The following SLC12A1 variants were observed in gnomAD, a reference collection of about 807,000 sequenced individuals.
SLC12A1 encodes Na-K-2Cl cotransporter.
Under a neutral mutation model 130.4 loss-of-function variants are expected in SLC12A1, and 89 were observed. That is an observed-to-expected ratio of 0.68 (90% CI 0.58 to 0.81). The LOEUF is 0.81. SLC12A1 is among the 40% of genes least tolerant of loss of function. The probability of loss-of-function intolerance (pLI) is 0.00; values close to 1 mark genes in which losing one functional copy is unlikely to be tolerated. For synonymous variants in SLC12A1, 499 were observed against 460.0 expected, an observed-to-expected ratio of 1.08 and a Z score of -1.09; for missense variants, 1,310 against 1,336.4, an observed-to-expected ratio of 0.98 and a Z score of 0.31.
chr15:48,254,150 T>C (rs2041677459), intron 15 of SLC12A1, among the ~76,000 whole-genome samples: 1 of 152,122 alleles, frequency 6.6e-6, no homozygotes, highest in Non-Finnish European at 1.5e-5. Context: ...TGAAGTCTAA[T>C]TTATCTTTTT....
chr15:48,286,638 T>A (rs2042063409), intron 21 of SLC12A1, among the ~76,000 whole-genome samples: 1 of 152,258 alleles, frequency 6.6e-6, no homozygotes, highest in African/African-American at 2.4e-5. Context: ...TGGAAGCTTA[T>A]TTCTGCGTCA....
chr15:48,247,063 C>T (rs1327800470), intron 12 of SLC12A1, 47 bp downstream of exon 12: 2 of 1,402,776 alleles, frequency 1.4e-6, no homozygotes. Context: ...GCTATTTCCA[C>T]AGAATGTGAA....
chr15:48,261,420 T>C (rs1377148558), intron 17 of SLC12A1, among the ~76,000 whole-genome samples: 1 of 152,214 alleles, frequency 6.6e-6, no homozygotes, highest in East Asian at 1.9e-4. Flanking sequence ...TTGACACATA[T>C]GTTGGGCTGC....
At chr15:48,234,074 G>A (rs1531916) in intron 8 of SLC12A1, among the ~76,000 whole-genome samples, 113,205 of 152,112 alleles carry the variant, frequency 0.74, 43,064 homozygotes, top group Non-Finnish European at 0.82. Flanking sequence ...AGAGATTCAT[G>A]CATTAGTAGC....
intron 19 of SLC12A1, among the ~76,000 whole-genome samples, chr15:48,273,857 A>G (rs2041922924): frequency 6.6e-6 from 1 of 152,312 alleles, no homozygotes; most frequent in East Asian, 1.9e-4. Context: ...GGACCTCCCA[A>G]TGAAAAAAAT....
chr15:48,228,938 T>C lies in SLC12A1; in HGVS notation c.725-251T>C, dbSNP rs967729893. 10 of 338,972 alleles carry C rather than the reference T, an allele frequency of 3.0e-5. 1 individual carries two copies. Among genetic ancestry groups the C allele is most frequent in the Admixed American group, 2.7e-4 (6 of 22,100 alleles). 21.0% of individuals were successfully genotyped at this position (338,972 alleles called of 1,614,324 possible). A position where few individuals can be genotyped will look rare whatever the true frequency, so the allele number is the denominator to read the frequency against. ...GTAAATTTTGCTGTGTTCTTTTTTG[T>C]AGCTTTTTTACATTTATGTTTTAAT... On this transcript the variant is annotated intron_variant, in intron 5 of 26. Transcript: ENST00000380993.
chr15:48,224,920 AC>A (rs2141024670), intron 4 of SLC12A1: 1 of 152,102 alleles, frequency 6.6e-6, no homozygotes, highest in East Asian at 1.9e-4. Flanking sequence ...ATAATCATCA[AC>A]CTTCTGAACC....
chr15:48,236,705 A>G (rs1211837743), intron 9 of SLC12A1, among the ~76,000 whole-genome samples: 2 of 152,216 alleles, frequency 1.3e-5, no homozygotes, highest in African/African-American at 2.4e-5. Context: ...GAAATATGGC[A>G]TAAAAATATT....
intron 2 of SLC12A1, among the ~76,000 whole-genome samples, chr15:48,212,353 T>C (rs571021960): frequency 1.6e-4 from 25 of 152,328 alleles, no homozygotes; most frequent in Admixed American, 6.5e-4. Flanking sequence ...TCTATAAATA[T>C]CTGGATTCCT....
chr15:48,225,927 C>T (rs993303986), intron 4 of SLC12A1: 23 of 982,094 alleles, frequency 2.3e-5, no homozygotes, highest in Non-Finnish European at 2.7e-5. Flanking sequence ...GCTATTGCCA[C>T]AAATGGATGT....
chr15:48,251,703 G>A lies in SLC12A1; in HGVS notation c.1875G>A (p.Trp625Ter), dbSNP rs137853159. The A allele has an allele frequency of 4.5e-5, 72 of 1,613,608 alleles. No individual in the cohort carries two copies. In the Admixed American group the frequency reaches 1.2e-3, roughly 27 times the overall value. ...GTGCAGTCATGTTTGTCATCAACTG[G>A]TGGGCAGCTGTCATCACCTATGTCA... ...LCCAVMFVINWWAAVITYVIE... is the reference protein window; with the variant it reads ...LCCAVMFVIN The change falls in exon 15 of 27, where the codon TGG (tryptophan) becomes TGA (stop). Residue 625 changes from tryptophan (W) to a stop codon, truncating the protein, a stop_gained. Coordinates refer to ENST00000380993, the MANE Select transcript of SLC12A1 (RefSeq NM_000338.3). LOFTEE classifies it high-confidence loss of function.
In SLC12A1 at chr15:48,292,921, TGGG is replaced by T. The variant is rs144021188; in HGVS notation, c.2960+1059_2960+1061del. ...AACAATGATATTTTTGGGGGTTTTG[TGGG>T]GTTTTTTTTGAGACAGGGTCTCACT... On this transcript the variant is annotated intron_variant, in intron 24 of 26. Coordinates refer to ENST00000380993, the MANE Select transcript of SLC12A1 (RefSeq NM_000338.3). Among the ~76,000 whole-genome samples, 1,091 of 152,216 alleles carry T rather than the reference TGGG, an allele frequency of 7.2e-3. 24 individuals are homozygous for T. Among genetic ancestry groups the T allele is most frequent in the African/African-American group, 0.025 (1,052 of 41,526 alleles).
intron 24 of SLC12A1, among the ~76,000 whole-genome samples, chr15:48,296,482 C>A (rs1033048311): frequency 6.6e-6 from 1 of 152,044 alleles, no homozygotes; most frequent in Non-Finnish European, 1.5e-5. Flanking sequence ...AGACAACAAT[C>A]TTTATGTGGA....
chr15:48,302,599 C>T, intron 26 of SLC12A1, 151 bp from the exon 27 acceptor site: 1 of 383,114 alleles, frequency 2.6e-6, no homozygotes, highest in Non-Finnish European at 4.1e-6. Flanking sequence ...CGCAGTCCGG[C>T]CTGGGCGACA....
intron 14 of SLC12A1, 84 bp downstream of exon 14, chr15:48,249,760 C>A: frequency 9.9e-7 from 1 of 1,009,836 alleles, no homozygotes; most frequent in South Asian, 1.3e-5. Flanking sequence ...GAAAAGTGTT[C>A]AATCTGTGTT....
At chr15:48,293,719 C>G (rs2042144195) in intron 24 of SLC12A1, among the ~76,000 whole-genome samples, 2 of 152,078 alleles carry the variant, frequency 1.3e-5, no homozygotes, top group Admixed American at 1.3e-4. Context: ...ATGATCCTTC[C>G]AAGGAGATGG....
chr15:48,207,637 A>G lies in SLC12A1; in HGVS notation c.-83A>G, dbSNP rs946815086. The G allele has an allele frequency of 8.5e-7, 1 of 1,178,846 alleles. No individual in the cohort carries two copies. Among genetic ancestry groups the G allele is most frequent in the African/African-American group, 1.5e-5 (1 of 64,732 alleles). 73.0% of individuals were successfully genotyped at this position (1,178,846 alleles called of 1,614,324 possible). On this transcript the variant is annotated 5_prime_UTR_variant, in exon 2 of 27. An upstream open reading frame in the 5' UTR loses its in-frame stop. Coordinates refer to ENST00000380993, the MANE Select transcript of SLC12A1 (RefSeq NM_000338.3). ...AGGAGCTCCCTAATGGAAGCACATT[A>G]GTGTTTATTTTGATGAAGAAATATA...
chr15:48,251,264 C>T (rs1382799914), intron 14 of SLC12A1, among the ~76,000 whole-genome samples: 1 of 151,850 alleles, frequency 6.6e-6, no homozygotes, highest in East Asian at 1.9e-4. Context: ...GTAGATCCCA[C>T]TCTTTCCATT....
chr15:48,303,169 A>G lies in SLC12A1; in HGVS notation c.*284A>G, dbSNP rs12902028. ...AAACTCATGTTGGCTTATGCTCATG[A>G]AAACCACCAATGTGATTGTAAACTT... On this transcript the variant is annotated 3_prime_UTR_variant, in exon 27 of 27. Transcript: ENST00000380993. 198,291 of 231,926 alleles carry G rather than the reference A, an allele frequency of 0.85. 88,845 individuals are homozygous for G. Among genetic ancestry groups the G allele is most frequent in the Non-Finnish European group, 0.98 (118,116 of 120,612 alleles). The allele number at this position is 231,926 out of a possible 1,614,324, so 14.4% of individuals were successfully genotyped here. A position where few individuals can be genotyped will look rare whatever the true frequency, so the allele number is the denominator to read the frequency against.
Sources: gnomAD v4.1 joint callset for allele counts (sites outside exome capture counted in the v4.1 genomes callset) on GRCh38, gnomAD v4.1.1 for gene constraint, MANE v1.5 for transcripts, NCBI Gene and HGNC (gene_info 2026-07-23, HGNC 2026-07-21) for gene names.